The following FTO variants were observed in gnomAD, a reference collection of about 807,000 sequenced individuals.
FTO encodes FTO alpha-ketoglutarate dependent dioxygenase, also known as alpha-ketoglutarate-dependent dioxygenase FTO.
In FTO, 47 loss-of-function variants were observed where a neutral mutation model predicts 63.9. That is an observed-to-expected ratio of 0.74 (90% confidence interval 0.58 to 0.94). The LOEUF is 0.94. Ranked by LOEUF, FTO falls within the 40% of genes least tolerant of loss-of-function variation. The probability of loss-of-function intolerance (pLI) is 0.00; values close to 1 mark genes in which losing one functional copy is unlikely to be tolerated. For missense variants in FTO, 562 were observed against 618.1 expected (o/e 0.91, Z 0.96); for synonymous variants, 207 against 224.4 (o/e 0.92, Z 0.69).
intron 1 of FTO, among the ~76,000 whole-genome samples, chr16:53,714,698 C>T (rs1217167676): frequency 2.0e-5 from 3 of 152,060 alleles, no homozygotes; most frequent in Non-Finnish European, 4.4e-5. Flanking sequence ...GTTTTAGTTA[C>T]ATTATTGGCT....
intron 8 of FTO, among the ~76,000 whole-genome samples, chr16:54,106,949 T>G (rs1331701373): frequency 6.9e-6 from 1 of 144,024 alleles, no homozygotes; most frequent in African/African-American, 2.5e-5. Flanking sequence ...TACTATATTA[T>G]GTATATACTT....
chr16:53,740,920 A>T (rs1032538804), intron 1 of FTO, among the ~76,000 whole-genome samples: 4 of 152,242 alleles, frequency 2.6e-5, no homozygotes, highest in Non-Finnish European at 5.9e-5. Flanking sequence ...ATCACTCCGG[A>T]CATTTTGGCC....
chr16:53,705,779 T>C (rs1438651770), intron 1 of FTO, among the ~76,000 whole-genome samples: 3 of 152,260 alleles, frequency 2.0e-5, no homozygotes, highest in African/African-American at 4.8e-5. Flanking sequence ...TTGTGCATGA[T>C]GTCTTTCTCA....
chr16:53,753,966 G>A (rs2076858438), intron 1 of FTO, among the ~76,000 whole-genome samples: 1 of 152,180 alleles, frequency 6.6e-6, no homozygotes, highest in African/African-American at 2.4e-5. Flanking sequence ...ATGGCACTTT[G>A]CTTTATACAA....
At chr16:53,976,205 CT>C (rs1459593940) in intron 8 of FTO, among the ~76,000 whole-genome samples, 24 of 151,962 alleles carry the variant, frequency 1.6e-4, no homozygotes, top group African/African-American at 5.8e-4. Context: ...TCTTTAAAAA[CT>C]ATGTTTTTAA....
chr16:53,742,230 T>C (rs2076544673), intron 1 of FTO, among the ~76,000 whole-genome samples: 1 of 152,106 alleles, frequency 6.6e-6, no homozygotes, highest in Admixed American at 6.5e-5. Flanking sequence ...TGCTTTACTA[T>C]GTGGTTTCAT....
chr16:53,967,116 G>T (rs186152990), intron 8 of FTO, among the ~76,000 whole-genome samples: 2 of 152,268 alleles, frequency 1.3e-5, no homozygotes, highest in East Asian at 3.9e-4. Context: ...AGGATTCTGG[G>T]AAAAGGTTTT....
chr16:54,103,522 G>A (rs530566121), intron 8 of FTO, among the ~76,000 whole-genome samples: 1 of 152,300 alleles, frequency 6.6e-6, no homozygotes, highest in South Asian at 2.1e-4. Flanking sequence ...GGGGAACAGA[G>A]GCAAGAGGTT....
Position 53,830,718 on chromosome 16 carries a change from T to C in FTO, c.751+4227T>C, listed in dbSNP as rs370078823. 2.0e-5 allele frequency among the ~76,000 whole-genome samples: 3 copies of C among 152,172 alleles called. No individual in the cohort carries two copies. In the East Asian group the frequency reaches 5.8e-4, roughly 29 times the overall value. On this transcript the variant is annotated intron_variant, in intron 3 of 8. Transcript: ENST00000471389. ...TTCAAGACCAGCCTGGCCAACATGG[T>C]GAAACCTTGTCTCTTAGAAATAGAA...
intron 8 of FTO, among the ~76,000 whole-genome samples, chr16:54,004,772 T>G (rs1382308152): frequency 1.3e-5 from 2 of 152,034 alleles, no homozygotes; most frequent in Non-Finnish European, 2.9e-5. Context: ...CTTGATGAAG[T>G]AGAAATTCAT....
rs539497863 is a variant in FTO, at chr16:53,950,962, T to C, written c.1364+16853T>C. 3.0e-4 allele frequency among the ~76,000 whole-genome samples: 46 copies of C among 152,350 alleles called. No homozygotes were observed. The South Asian group carries it at 9.3e-3, about 31-fold the overall frequency. On this transcript the variant is annotated intron_variant, in intron 8 of 8. Transcript: ENST00000471389. The stretch of plus-strand genomic sequence containing the variant: ...CAGCTGTGTTGGCTTTACCGTATTA[T>C]ACATCACATAAAGCATCTCATTTAT...
chr16:53,937,472 C>A, intron 8 of FTO: 1 of 389,046 alleles, frequency 2.6e-6, no homozygotes. Flanking sequence ...CTCTGAGGTT[C>A]TTAGGGTCTA....
intron 7 of FTO, among the ~76,000 whole-genome samples, chr16:53,912,849 A>G (rs914274323): frequency 1.3e-5 from 2 of 152,334 alleles, no homozygotes; most frequent in South Asian, 4.1e-4. Flanking sequence ...CCTAGTATAT[A>G]TTATCCTTAC....
intron 8 of FTO, among the ~76,000 whole-genome samples, chr16:54,027,866 T>C (rs1158723613): frequency 6.6e-6 from 1 of 152,196 alleles, no homozygotes; most frequent in Non-Finnish European, 1.5e-5. Context: ...GTCCCTCTTG[T>C]TTTTTTGTAT....
At chr16:53,959,496 T>A (rs2083016426) in intron 8 of FTO, among the ~76,000 whole-genome samples, 1 of 151,818 alleles carries the variant, frequency 6.6e-6, no homozygotes, top group Admixed American at 6.6e-5. Context: ...CAGTAGTAGC[T>A]AATAATAATA....
At position 53,748,322 on chromosome 16, in the gene FTO, C is replaced by T. The variant is rs1033582788; in HGVS notation, c.45+44093C>T. Among the ~76,000 whole-genome samples, 9 of 152,176 alleles carry T rather than the reference C, an allele frequency of 5.9e-5. No homozygotes were observed. In the South Asian group the frequency reaches 1.9e-3, roughly 32 times the overall value. On this transcript the variant is annotated intron_variant, in intron 1 of 8. Coordinates refer to ENST00000471389, the MANE Select transcript of FTO (RefSeq NM_001080432.3). ...TGGGATATCATTTACTTAGTTGTAT[C>T]ATCTTCAGTATCTTTCATTAATGTT...
rs147963254 is a variant in FTO at position 53,715,731 on chromosome 16, A to G, written c.45+11502A>G. ...TATTTGGAATTTTGGGAACTTTGTA[A>G]AATTCCCATTTTTTTCATTATAATC... On this transcript the variant is annotated intron_variant, in intron 1 of 8. Transcript: ENST00000471389. Among the ~76,000 whole-genome samples the G allele has an allele frequency of 3.0e-4, 45 of 152,274 alleles. 1 individual carries two copies. Among genetic ancestry groups the G allele is most frequent in the African/African-American group, 1.1e-3 (45 of 41,556 alleles).
At chr16:53,937,464 C>T (rs2082415858) in intron 8 of FTO, 1 of 390,944 alleles carries the variant, frequency 2.6e-6, no homozygotes, top group Admixed American at 4.4e-5. Context: ...CTAATAAACT[C>T]TGAGGTTCTT....
At chr16:53,706,566 A>AT (rs1284074007) in intron 1 of FTO, among the ~76,000 whole-genome samples, 4 of 150,832 alleles carry the variant, frequency 2.7e-5, no homozygotes, top group Middle Eastern at 3.4e-3. Context: ...CAGCGTAATG[A>AT]TTTTTTTTTC....
Sources: allele counts gnomAD v4.1 joint callset (sites outside exome capture counted in the v4.1 genomes callset), GRCh38; gene constraint gnomAD v4.1.1; transcripts MANE v1.5; gene names NCBI Gene and HGNC (gene_info 2026-07-23, HGNC 2026-07-21).